Variants in ZFHX2 observed in about 807,000 individuals in gnomAD.
The protein encoded by ZFHX2 is zinc finger homeobox 2.
Under a neutral mutation model 164.8 loss-of-function variants are expected in ZFHX2, and 75 were observed. The observed-to-expected ratio is 0.46, with a 90% CI of 0.38 to 0.55. The LOEUF (loss-of-function observed/expected upper bound fraction) is 0.55, where lower values mean the gene tolerates loss of function less well. ZFHX2 is among the 20% of genes least tolerant of loss of function. The pLI is 0.00. For synonymous variants in ZFHX2, 1,217 were observed against 1,351.4 expected (o/e 0.90, Z 2.18); for missense variants, 2,933 against 3,308.0 (o/e 0.89, Z 2.78).
chr14:23,530,054 T>C (rs1879328131), intron 5 of ZFHX2, 66 bp downstream of exon 5: 2 of 1,394,846 alleles, frequency 1.4e-6, no homozygotes, highest in South Asian at 1.2e-5. Context: ...GGCTCCTGGA[T>C]TACTGCAAGG....
Position 23,532,938 on chromosome 14 carries a change from C to T in ZFHX2, c.2188G>A (p.Asp730Asn). 1 of 1,536,172 alleles carries T rather than the reference C, an allele frequency of 6.5e-7. No individual in the cohort carries two copies. Among genetic ancestry groups the T allele is most frequent in the Non-Finnish European group, 8.7e-7 (1 of 1,146,916 alleles). ...RCLVCQAFSTDSLELLLYHCS... is the reference protein window; with the variant it reads ...RCLVCQAFSTNSLELLLYHCS... ...TGGTAGAGCAGCAGCTCCAGGCTGTCTGTGCTGAAGGCCTGGCACACTAGG... is the reference window on the plus strand; with the variant it reads ...TGGTAGAGCAGCAGCTCCAGGCTGTTTGTGCTGAAGGCCTGGCACACTAGG... Residue 730 changes from aspartate to asparagine, a missense_variant, in exon 3 of 10, where the codon GAC becomes AAC. Coordinates refer to ENST00000419474, the MANE Select transcript of ZFHX2 (RefSeq NM_033400.3).
chr14:23,552,792 G>C (rs890028302), upstream of ZFHX2, among the ~76,000 whole-genome samples: 3 of 151,766 alleles, frequency 2.0e-5, no homozygotes, highest in Non-Finnish European at 2.9e-5. Flanking sequence ...GTAGAGACGG[G>C]GGTTTCACCA....
chr14:23,524,836 C>A lies in ZFHX2; in HGVS notation c.5106G>T (p.Glu1702Asp). 6.5e-7 allele frequency: 1 copy of A among 1,537,026 alleles called. No homozygotes were observed. Residue 1702 changes from glutamate (E) to aspartate (D), a missense_variant, in exon 9 of 10, where the codon GAG becomes GAT. By Grantham distance (45) the Glu-to-Asp change is conservative. Transcript: ENST00000419474. This position sits in a 1 kb window ranked among gnomAD's most constrained non-coding sequence, Gnocchi z 5.6. The stretch of plus-strand genomic sequence containing the variant: ...CCTCTTCCCCTCTCTCTGCCTCTTC[C>A]TCCTCCTCTTCAAGGGTCTGGTCAT... ...CYDDQTLEEEEEEAERGEEEE... is the reference protein window; with the variant it reads ...CYDDQTLEEEDEEAERGEEEE...
Position 23,535,909 on chromosome 14 carries a change from C to T in ZFHX2, c.-49-535G>A. Among the ~76,000 whole-genome samples the T allele has an allele frequency of 6.6e-6, 1 of 152,126 alleles. No homozygotes were observed. The highest frequency in any genetic ancestry group is 1.9e-4 in the East Asian group (1 of 5,198). On this transcript the variant is annotated intron_variant, in intron 1 of 9. Transcript: ENST00000419474. The surrounding 1 kb of genome is among the most constrained non-coding windows in gnomAD (Gnocchi z 4.5). ...GCCCAGCCTAGAACTCTTTATTTGT[C>T]CCCTGAACCTGCTCCTCCCCATCTT...
At chr14:23,529,571 T>G in intron 6 of ZFHX2, 139 bp downstream of exon 6, 1 of 872,538 alleles carries the variant, frequency 1.1e-6, no homozygotes. Context: ...GAACTGGATC[T>G]GGGTGGAATT....
At position 23,534,721 on chromosome 14, in the gene ZFHX2, T is replaced by G. The variant is rs1879965490; in HGVS notation, c.605A>C (p.Glu202Ala). ...TSAPSPAACE[E>A]RHGAFWSYQL... ...GTAGCTCCAGAAAGCTCCATGCCTTTCCTCACAGGCAGCCGGAGATGGTGC... is the reference window on the plus strand; with the variant it reads ...GTAGCTCCAGAAAGCTCCATGCCTTGCCTCACAGGCAGCCGGAGATGGTGC... Residue 202 changes from glutamate to alanine, a missense_variant, in exon 2 of 10, where the codon GAA becomes GCA. Transcript: ENST00000419474. This position sits in a 1 kb window ranked among gnomAD's most constrained non-coding sequence, Gnocchi z 4.5. 1 of 1,536,132 alleles carries G rather than the reference T, an allele frequency of 6.5e-7. No individual in the cohort carries two copies. Among genetic ancestry groups the G allele is most frequent in the Admixed American group, 2.0e-5 (1 of 51,006 alleles).
At position 23,530,115 on chromosome 14, in the gene ZFHX2, C is replaced by T; in HGVS notation, c.2875+5G>A. 1.3e-6 allele frequency: 2 copies of T among 1,535,998 alleles called. No individual in the cohort carries two copies. The highest frequency in any genetic ancestry group is 8.7e-7 in the Non-Finnish European group (1 of 1,146,822). On this transcript the variant is annotated splice_donor_5th_base_variant and intron_variant, in intron 5 of 9. Transcript: ENST00000419474. Reference sequence around the variant, plus strand: ...AGGACTGGGGGGAAGGGAGGGAAAACTCACCCAATTGTTCTGTCTTGTTCT... The same window carrying T: ...AGGACTGGGGGGAAGGGAGGGAAAATTCACCCAATTGTTCTGTCTTGTTCT...
In ZFHX2 at chr14:23,528,920, G is replaced by T. The variant is rs1879149259; in HGVS notation, c.2934+790C>A. On this transcript the variant is annotated intron_variant, in intron 6 of 9. Coordinates refer to ENST00000419474, the MANE Select transcript of ZFHX2 (RefSeq NM_033400.3). ...CAGGGAGGGGATGACTGTAAAGGAA[G>T]GGGATCCAGATGCTCATCTTAACGC... 5 of 820,244 alleles carry T rather than the reference G, an allele frequency of 6.1e-6. No homozygotes were observed. The Admixed American group carries it at 2.5e-4, about 41-fold the overall frequency. The allele number at this position is 820,244 out of a possible 1,614,324, so 50.8% of individuals were successfully genotyped here.
Position 23,534,736 on chromosome 14 carries a change from G to A in ZFHX2, c.590C>T (p.Pro197Leu), listed in dbSNP as rs908149133. 16 of 1,536,168 alleles carry A rather than the reference G, an allele frequency of 1.0e-5. No individual in the cohort carries two copies. The highest frequency in any genetic ancestry group is 3.9e-5 in the Admixed American group (2 of 51,004). ...TCCATGCCTTTCCTCACAGGCAGCC[G>A]GAGATGGTGCTGAGGTATCATGGGA... The part of the protein sequence containing the change: ...ILSHDTSAPS[P>L]AACEERHGAF... Residue 197 changes from proline to leucine, a missense_variant, in exon 2 of 10, where the codon CCG becomes CTG. Transcript: ENST00000419474. The surrounding 1 kb of genome is among the most constrained non-coding windows in gnomAD (Gnocchi z 4.5).
Position 23,522,055 on chromosome 14 carries a change from C to G in ZFHX2, c.7626G>C (p.Ser2542=). The change falls in exon 10 of 10, where the codon TCG becomes TCC. Residue 2542 remains serine (S), a synonymous_variant. Transcript: ENST00000419474. ...CCTCTTTGGCAAAAGCCACAGCAGC[C>G]GAGGCAGCAGTGGCGGCGTTGGTGA... ...ISITNAATAA[S]AAVAFAKEEA... is the part of the protein sequence containing the mutation. The G allele has an allele frequency of 6.5e-7, 1 of 1,536,454 alleles. No individual in the cohort carries two copies. Among genetic ancestry groups the G allele is most frequent in the Middle Eastern group, 1.7e-4 (1 of 5,988 alleles).
rs1209545286 is a variant in ZFHX2 at position 23,535,944 on chromosome 14, CA to C, written c.-49-571del. On this transcript the variant is annotated intron_variant, in intron 1 of 9. Coordinates refer to ENST00000419474, the MANE Select transcript of ZFHX2 (RefSeq NM_033400.3). This position sits in a 1 kb window ranked among gnomAD's most constrained non-coding sequence, Gnocchi z 4.5. ...TGCTCCTCCCCATCTTTCCTATCTCCAAAGTTGGTACCAACATTTATCCAGT... is the reference window on the plus strand; with the variant it reads ...TGCTCCTCCCCATCTTTCCTATCTCCAAGTTGGTACCAACATTTATCCAGT... Among the ~76,000 whole-genome samples, 1 of 152,128 alleles carries C rather than the reference CA, an allele frequency of 6.6e-6. No homozygotes were observed. The highest frequency in any genetic ancestry group is 1.5e-5 in the Non-Finnish European group (1 of 68,028).
In ZFHX2 at chr14:23,533,724, G is replaced by T. The variant is rs949690892; in HGVS notation, c.1602C>A (p.Ala534=). The T allele has an allele frequency of 2.6e-6, 4 of 1,550,464 alleles. No homozygotes were observed. The highest frequency in any genetic ancestry group is 2.7e-5 in the African/African-American group (2 of 73,402). The change falls in exon 2 of 10, where the codon GCC becomes GCA. Residue 534 remains alanine (A), a synonymous_variant. Coordinates refer to ENST00000419474, the MANE Select transcript of ZFHX2 (RefSeq NM_033400.3). The surrounding 1 kb of genome is among the most constrained non-coding windows in gnomAD (Gnocchi z 4.8). ...GGCCCGCCTGGAAGCCCTGTAGGTT[G>T]GCCAGGTGCTTGTCAGACTGCATAT... ...SIHMQSDKHL[A]NLQGFQAGPG... is the part of the protein sequence containing the mutation.
rs1027365445 is a variant in ZFHX2, at chr14:23,530,064, G to T, written c.2875+56C>A. 29 of 1,439,204 alleles carry T rather than the reference G, an allele frequency of 2.0e-5. No homozygotes were observed. In the Admixed American group the frequency reaches 5.5e-4, roughly 27 times the overall value. 89.2% of individuals were successfully genotyped at this position (1,439,204 alleles called of 1,614,324 possible). A position where few individuals can be genotyped will look rare whatever the true frequency, so the allele number is the denominator to read the frequency against. On this transcript the variant is annotated intron_variant, in intron 5 of 9. Transcript: ENST00000419474. ...TGCTGGGCTCCTGGATTACTGCAAG[G>T]TCCCGTGAGCGTCTCAGAAGGTAGG... is the stretch of plus-strand genomic sequence containing the variant.
chr14:23,528,689 A>G (rs1879107946), intron 6 of ZFHX2: 1 of 985,116 alleles, frequency 1.0e-6, no homozygotes, highest in Non-Finnish European at 1.2e-6. Flanking sequence ...CTTATTTTCC[A>G]TCTTTCTTTT....
chr14:23,539,503 T>C (rs1880557528), intron 1 of ZFHX2, among the ~76,000 whole-genome samples: 2 of 152,134 alleles, frequency 1.3e-5, no homozygotes, highest in African/African-American at 2.4e-5. Flanking sequence ...AGCCAGGCCC[T>C]GACCGAGCAA....
chr14:23,529,053 G>GT (rs1171010412), intron 6 of ZFHX2, among the ~76,000 whole-genome samples: 1 of 152,282 alleles, frequency 6.6e-6, no homozygotes, highest in Admixed American at 6.5e-5. Context: ...CAGTAATGCA[G>GT]TAACACTGCG....
chr14:23,535,389 GGA>G lies in ZFHX2; in HGVS notation c.-49-17_-49-16del. Reference sequence around the variant, plus strand: ...CAGCCAGTACCCTGTAGGGAGACAAGGAGAGAGCAGTGCTGTGAGGCTGCAGG... The same window carrying G: ...CAGCCAGTACCCTGTAGGGAGACAAGGAGAGCAGTGCTGTGAGGCTGCAGG... On this transcript the variant is annotated splice_polypyrimidine_tract_variant and intron_variant, in intron 1 of 9. Transcript: ENST00000419474. The surrounding 1 kb of genome is among the most constrained non-coding windows in gnomAD (Gnocchi z 4.5). 7.0e-7 allele frequency: 1 copy of G among 1,430,146 alleles called. No individual in the cohort carries two copies. The highest frequency in any genetic ancestry group is 1.5e-5 in the South Asian group (1 of 66,434). The allele number at this position is 1,430,146 out of a possible 1,614,324, so 88.6% of individuals were successfully genotyped here.
intron 1 of ZFHX2, among the ~76,000 whole-genome samples, chr14:23,536,837 A>C (rs1381846250): frequency 1.3e-5 from 2 of 152,162 alleles, no homozygotes; most frequent in Admixed American, 1.3e-4. Flanking sequence ...ACTCCAAAGG[A>C]CTAGAAATGA....
intron 1 of ZFHX2, among the ~76,000 whole-genome samples, chr14:23,547,442 C>G (rs927915580): frequency 6.6e-6 from 1 of 152,244 alleles, no homozygotes; most frequent in African/African-American, 2.4e-5. Context: ...TGCCAACTCT[C>G]TCTTTGGAAA....
Sources: gnomAD v4.1 joint callset for allele counts (sites outside exome capture counted in the v4.1 genomes callset) on GRCh38, gnomAD v4.1.1 for gene constraint, Gnocchi (gnomAD v3.1) non-coding constraint, MANE v1.5 for transcripts, NCBI Gene and HGNC (gene_info 2026-07-23, HGNC 2026-07-21) for gene names.